PAM: variants seen among roughly 807,000 people sequenced by gnomAD.
The protein encoded by PAM is peptidylglycine alpha-amidating monooxygenase, also known as peptidyl-glycine alpha-amidating monooxygenase.
PAM carries 72 observed loss-of-function variants against 122.1 expected under a neutral mutation model. The ratio of observed to expected loss-of-function variants is 0.59; its 90% CI spans 0.49 to 0.72. The LOEUF (loss-of-function observed/expected upper bound fraction) is 0.72, where lower values mean the gene tolerates loss of function less well. Ranked by LOEUF, PAM falls within the 30% of genes least tolerant of loss-of-function variation. PAM has a pLI of 0.00. For synonymous variants in PAM, 389 were observed against 404.4 expected (o/e 0.96, Z 0.46); for missense variants, 1,106 against 1,183.7 (o/e 0.93, Z 0.96).
chr5:102,911,231 A>T (rs1306553709), intron 4 of PAM, among the ~76,000 whole-genome samples: 1 of 151,950 alleles, frequency 6.6e-6, no homozygotes, highest in Non-Finnish European at 1.5e-5. Flanking sequence ...TTTCTTTAGG[A>T]TATGAAAAAA....
At chr5:103,001,356 C>A (rs1259890452) in intron 16 of PAM, among the ~76,000 whole-genome samples, 4 of 151,962 alleles carry the variant, frequency 2.6e-5, no homozygotes, top group Non-Finnish European at 5.9e-5. Context: ...TATGAGTATT[C>A]TTACATTGGT....
intron 24 of PAM, among the ~76,000 whole-genome samples, chr5:103,027,538 G>A (rs1030677931): frequency 1.2e-4 from 18 of 152,154 alleles, no homozygotes; most frequent in Admixed American, 9.8e-4. Context: ...CATAAGGAAA[G>A]AGAGTCTGTC....
intron 7 of PAM, among the ~76,000 whole-genome samples, chr5:102,933,730 A>C (rs1213036711): frequency 3.9e-5 from 6 of 152,222 alleles, no homozygotes; most frequent in Admixed American, 6.5e-5. Context: ...TACTGCCAGG[A>C]AGCTATTAGA....
chr5:102,771,442 G>C (rs879443016), intron 1 of PAM, among the ~76,000 whole-genome samples: 5 of 152,142 alleles, frequency 3.3e-5, no homozygotes, highest in Admixed American at 6.6e-5. Flanking sequence ...AAGATAGGAA[G>C]AAAGTAGTCT....
intron 3 of PAM, among the ~76,000 whole-genome samples, chr5:102,896,320 A>T (rs1796209513): frequency 6.6e-6 from 1 of 151,678 alleles, no homozygotes; most frequent in African/African-American, 2.4e-5. Flanking sequence ...TATAGTTTAA[A>T]AATGCAAATG....
At chr5:102,899,149 A>C (rs1335282595) in intron 3 of PAM, among the ~76,000 whole-genome samples, 2 of 151,520 alleles carry the variant, frequency 1.3e-5, no homozygotes, top group African/African-American at 4.8e-5. Flanking sequence ...TGGAAATGGG[A>C]ATGGATTATC....
At chr5:102,928,543 A>G (rs1750395063) in intron 7 of PAM, among the ~76,000 whole-genome samples, 3 of 152,176 alleles carry the variant, frequency 2.0e-5, no homozygotes, top group African/African-American at 7.2e-5. Context: ...TTGTAATATT[A>G]TTAAAATGTA....
intron 3 of PAM, among the ~76,000 whole-genome samples, chr5:102,896,660 A>G (rs1378177578): frequency 1.3e-5 from 2 of 151,680 alleles, no homozygotes; most frequent in African/African-American, 4.8e-5. Context: ...TTTAACATAA[A>G]ATCTTCACTA....
At chr5:102,803,204 AGG>A (rs1765330271) in intron 1 of PAM, among the ~76,000 whole-genome samples, 1 of 37,022 alleles carries the variant, frequency 2.7e-5, no homozygotes, top group African/African-American at 7.7e-5. Context: ...GAAGGAAGGA[AGG>A]AAAGAAGGAA....
chr5:102,762,772 A>T (rs1752741142), intron 1 of PAM, among the ~76,000 whole-genome samples: 1 of 152,174 alleles, frequency 6.6e-6, no homozygotes, highest in African/African-American at 2.4e-5. Flanking sequence ...CACATGAGTA[A>T]CTTTAATCAG....
At chr5:102,849,695 A>C (rs561303193) in intron 1 of PAM, among the ~76,000 whole-genome samples, 15 of 152,338 alleles carry the variant, frequency 9.8e-5, no homozygotes, top group African/African-American at 3.6e-4. Flanking sequence ...TTGTGATATG[A>C]ATCTATTGGA....
chr5:102,953,669 A>G (rs1340773513), intron 12 of PAM, among the ~76,000 whole-genome samples: 1 of 152,168 alleles, frequency 6.6e-6, no homozygotes, highest in Non-Finnish European at 1.5e-5. Context: ...AATATAATGC[A>G]CTATATATTT....
intron 1 of PAM, among the ~76,000 whole-genome samples, chr5:102,760,213 G>A (rs1054782658): frequency 1.3e-5 from 2 of 152,230 alleles, no homozygotes; most frequent in Non-Finnish European, 2.9e-5. Context: ...AGTACCCTAA[G>A]CTCAGGGTTC....
At chr5:102,786,374 G>A (rs1055845758) in intron 1 of PAM, among the ~76,000 whole-genome samples, 7 of 152,150 alleles carry the variant, frequency 4.6e-5, no homozygotes, top group Non-Finnish European at 7.4e-5. Context: ...ACCTGTAAAA[G>A]TACTTTGAAT....
intron 14 of PAM, among the ~76,000 whole-genome samples, chr5:102,962,270 C>T (rs1317412513): frequency 6.6e-6 from 1 of 151,632 alleles, no homozygotes; most frequent in Non-Finnish European, 1.5e-5. Flanking sequence ...ACAAAGTGAC[C>T]TTCAAAAAAA....
At chr5:102,924,826 A>G (rs572461775) in intron 5 of PAM, 131 bp from the exon 6 acceptor site, 4 of 603,974 alleles carry the variant, frequency 6.6e-6, no homozygotes, top group African/African-American at 1.8e-5. Flanking sequence ...CTTAAAGCTA[A>G]TATCATGCAA....
chr5:102,774,192 A>G lies in PAM; in HGVS notation c.-374+18844A>G, dbSNP rs188709065. On this transcript the variant is annotated intron_variant, in intron 1 of 25. Coordinates refer to ENST00000438793, the MANE Select transcript of PAM (RefSeq NM_001177306.2). ...TGAACGTTGATGTGCATGTGTCTTT[A>G]TGATAGAATGATTTATATTCGTCTG... Among the ~76,000 whole-genome samples the G allele has an allele frequency of 9.2e-5, 14 of 152,172 alleles. No homozygotes were observed. In the East Asian group the frequency reaches 2.5e-3, roughly 27 times the overall value.
chr5:102,914,216 A>G lies in PAM; in HGVS notation c.356+195A>G, dbSNP rs568518902. Among the ~76,000 whole-genome samples the G allele has an allele frequency of 3.3e-5, 5 of 152,204 alleles. No individual in the cohort carries two copies. In the East Asian group the frequency reaches 9.7e-4, roughly 29 times the overall value. ...TAGTCTGCTATAGAGCATATCTATCAGCCTTTGTCACTGACTTAATAAATA... is the reference window on the plus strand; with the variant it reads ...TAGTCTGCTATAGAGCATATCTATCGGCCTTTGTCACTGACTTAATAAATA... On this transcript the variant is annotated intron_variant, in intron 5 of 25. Coordinates refer to ENST00000438793, the MANE Select transcript of PAM (RefSeq NM_001177306.2).
chr5:103,014,198 C>T (rs1781391231), intron 21 of PAM, among the ~76,000 whole-genome samples: 1 of 152,128 alleles, frequency 6.6e-6, no homozygotes, highest in African/African-American at 2.4e-5. Flanking sequence ...AGGATATTAA[C>T]TTTTAATTTA....
Sources: gnomAD v4.1 joint callset for allele counts (sites outside exome capture counted in the v4.1 genomes callset) on GRCh38, gnomAD v4.1.1 for gene constraint, MANE v1.5 for transcripts, NCBI Gene and HGNC (gene_info 2026-07-23, HGNC 2026-07-21) for gene names.